Variants in STARD9 observed in about 807,000 individuals in gnomAD.
The protein encoded by STARD9 is StAR related lipid transfer domain containing 9, also known as stAR-related lipid transfer protein 9.
A neutral mutation model predicts 399.8 loss-of-function variants in STARD9; 346 were observed. The ratio of observed to expected loss-of-function variants is 0.87; its 90% confidence interval spans 0.79 to 0.95. The LOEUF (loss-of-function observed/expected upper bound fraction) is 0.95, where lower values mean the gene tolerates loss of function less well. STARD9 is among the 40% of genes least tolerant of loss of function. STARD9 has a pLI of 0.00. For missense variants in STARD9, 5,832 were observed against 5,667.5 expected, an observed-to-expected ratio of 1.03 and a Z score of -0.93; for synonymous variants, 2,203 against 2,143.5, an observed-to-expected ratio of 1.03 and a Z score of -0.77.
intron 10 of STARD9, 46 bp downstream of exon 10, chr15:42,661,271 T>G: frequency 7.7e-7 from 1 of 1,294,592 alleles, no homozygotes; most frequent in Non-Finnish European, 1.1e-6. Flanking sequence ...TGTTCTTGCC[T>G]GTTTTACAGG....
chr15:42,632,069 GTCTC>G (rs1049680938), intron 3 of STARD9, among the ~76,000 whole-genome samples: 1 of 151,988 alleles, frequency 6.6e-6, no homozygotes, highest in Non-Finnish European at 1.5e-5. Context: ...CGGTATTGAG[GTCTC>G]TCTCTCTTTA....
chr15:42,585,528 A>G lies in STARD9; in HGVS notation c.125A>G (p.Asn42Ser), dbSNP rs887235531. Residue 42 changes from asparagine (N) to serine (S), a missense_variant, in exon 3 of 33, where the codon AAT (asparagine) becomes AGT (serine). Coordinates refer to ENST00000290607, the MANE Select transcript of STARD9 (RefSeq NM_020759.3). Reference protein sequence around the residue: ...VAKIRNLKVDNRPDGFGDSRE... With the variant: ...VAKIRNLKVDSRPDGFGDSRE... Reference sequence around the variant, plus strand: ...TCCTATGTTTGATTTTAGGTGGACAATCGACCAGATGGCTTTGGGGACTCC... The same window carrying G: ...TCCTATGTTTGATTTTAGGTGGACAGTCGACCAGATGGCTTTGGGGACTCC... The G allele has an allele frequency of 1.6e-5, 25 of 1,536,566 alleles. No homozygotes were observed. Among genetic ancestry groups the G allele is most frequent in the Non-Finnish European group, 2.1e-5 (24 of 1,146,434 alleles).
intron 26 of STARD9, among the ~76,000 whole-genome samples, chr15:42,709,670 G>A (rs2061169162): frequency 6.6e-6 from 1 of 152,162 alleles, no homozygotes; most frequent in African/African-American, 2.4e-5. Context: ...GGGTGACAGA[G>A]CAAGACTCCA....
In STARD9 at chr15:42,707,533, G is replaced by A. The variant is rs563079941; in HGVS notation, c.13285-9144G>A. Among the ~76,000 whole-genome samples, 4 of 148,498 alleles carry A rather than the reference G, an allele frequency of 2.7e-5. No individual in the cohort carries two copies. In the East Asian group the frequency reaches 7.9e-4, roughly 29 times the overall value. The stretch of plus-strand genomic sequence containing the variant: ...CGCCAAGGCTGGAGTGCAGTGGCAC[G>A]ATCTCGGCTCACTCCAGCCTCCGAC... On this transcript the variant is annotated intron_variant, in intron 26 of 32. Transcript: ENST00000290607.
chr15:42,587,488 T>G (rs10162619), intron 3 of STARD9, among the ~76,000 whole-genome samples: 1,665 of 152,342 alleles, frequency 0.011, 40 homozygotes, highest in African/African-American at 0.039. Context: ...TGCCCTCCAC[T>G]GAGTCTTCTC....
intron 1 of STARD9, among the ~76,000 whole-genome samples, chr15:42,580,655 A>T (rs2141649057): frequency 6.6e-6 from 1 of 152,304 alleles, no homozygotes; most frequent in African/African-American, 2.4e-5. Context: ...CTCAGCTAAA[A>T]AATACAAAAA....
intron 3 of STARD9, among the ~76,000 whole-genome samples, chr15:42,627,380 G>A (rs573606554): frequency 9.9e-5 from 15 of 152,282 alleles, no homozygotes; most frequent in African/African-American, 2.9e-4. Flanking sequence ...CATACAATGC[G>A]TAGTACTCAC....
chr15:42,645,668 T>G (rs185441627), intron 7 of STARD9, among the ~76,000 whole-genome samples: 25 of 151,482 alleles, frequency 1.7e-4, no homozygotes, highest in Non-Finnish European at 2.8e-4. Flanking sequence ...CAGGCTCATG[T>G]GATTCATTTT....
In STARD9 at chr15:42,674,911, C is replaced by T; in HGVS notation, c.1634C>T (p.Ala545Val). The change falls in exon 18 of 33, where the codon GCC (alanine) becomes GTC (valine). Residue 545 changes from alanine (A) to valine (V), a missense_variant. Physicochemically the swap from Ala to Val is moderately conservative, Grantham distance 64. Coordinates refer to ENST00000290607, the MANE Select transcript of STARD9 (RefSeq NM_020759.3). The stretch of plus-strand genomic sequence containing the variant: ...GTTGTTCTACGACCTGCCCGTGGGG[C>T]CCGCTGTACAGTCAATGGCCGGGAG... Reference protein sequence around the residue: ...GVVVLRPARGARCTVNGREVT... With the variant: ...GVVVLRPARGVRCTVNGREVT... 6.5e-7 allele frequency: 1 copy of T among 1,537,016 alleles called. No individual in the cohort carries two copies. The highest frequency in any genetic ancestry group is 8.7e-7 in the Non-Finnish European group (1 of 1,146,776).
At position 42,608,794 on chromosome 15, in the gene STARD9, G is replaced by A. The variant is rs561232528; in HGVS notation, c.234+23157G>A. Among the ~76,000 whole-genome samples, 5 of 152,316 alleles carry A rather than the reference G, an allele frequency of 3.3e-5. No individual in the cohort carries two copies. In the South Asian group the frequency reaches 1.0e-3, roughly 32 times the overall value. ...TGACCTGGTAATGTTTATCTTGCCT[G>A]AAGATCAAATATGTGGAAATTAATG... On this transcript the variant is annotated intron_variant, in intron 3 of 32. Transcript: ENST00000290607.
chr15:42,655,048 G>A (rs1223004566), intron 9 of STARD9, among the ~76,000 whole-genome samples: 1 of 152,166 alleles, frequency 6.6e-6, no homozygotes, highest in Non-Finnish European at 1.5e-5. Flanking sequence ...TTGGGAGGCC[G>A]AGGCAGGCGG....
At position 42,682,298 on chromosome 15, in the gene STARD9, C is replaced by G; in HGVS notation, c.2260C>G (p.His754Asp). Residue 754 changes from histidine to aspartate, a missense_variant, in exon 22 of 33, where the codon CAC (histidine) becomes GAC (aspartate). By Grantham distance (81) the His-to-Asp change is moderately conservative. This residue lies in a region of STARD9 where 5,828 missense variants were observed against 5,651.1 expected (regional missense o/e 1.03). Transcript: ENST00000290607. ...GGTGCACCTGCAGCTCCTGCGGAGA[C>G]ACACTCTTCGGGCAGCAGAGCGGAA... Reference protein sequence around the residue: ...RVVHLQLLRRHTLRAAERNVR... With the variant: ...RVVHLQLLRRDTLRAAERNVR... The G allele has an allele frequency of 2.6e-6, 4 of 1,537,292 alleles. No homozygotes were observed. The highest frequency in any genetic ancestry group is 3.5e-6 in the Non-Finnish European group (4 of 1,146,912).
intron 13 of STARD9, among the ~76,000 whole-genome samples, chr15:42,664,809 C>G (rs1021152524): frequency 1.3e-5 from 2 of 152,038 alleles, no homozygotes; most frequent in African/African-American, 4.8e-5. Flanking sequence ...CACACACACA[C>G]ACACACACAC....
At chr15:42,581,613 C>A in intron 1 of STARD9, 1 of 674,356 alleles carries the variant, frequency 1.5e-6, no homozygotes, top group Admixed American at 2.5e-5. Flanking sequence ...TCCTCTAGTT[C>A]CCTCGTCTGG....
chr15:42,706,515 A>G (rs907577779), intron 26 of STARD9, among the ~76,000 whole-genome samples: 1 of 150,356 alleles, frequency 6.7e-6, no homozygotes, highest in East Asian at 2.0e-4. Context: ...CAGTGGCATG[A>G]TCTCGGCTCA....
In STARD9 at chr15:42,690,232, C is replaced by T. The variant is rs761050751; in HGVS notation, c.8654C>T (p.Thr2885Ile). ...AAGGAGAGTGTTGGGTCTGGGTTGA[C>T]AGAAGTCTGCAGGGCTGGCAGCAAA... ...QCKESVGSGL[T>I]EVCRAGSKHS... The change falls in exon 23 of 33, where the codon ACA becomes ATA. Residue 2885 changes from threonine to isoleucine, a missense_variant. Thr to Ile is a moderately conservative substitution (Grantham distance 89). This residue lies in a region of STARD9 where 5,828 missense variants were observed against 5,651.1 expected (regional missense o/e 1.03). Coordinates refer to ENST00000290607, the MANE Select transcript of STARD9 (RefSeq NM_020759.3). The T allele has an allele frequency of 8.5e-5, 131 of 1,537,426 alleles. No homozygotes were observed. Among genetic ancestry groups the T allele is most frequent in the Middle Eastern group, 1.7e-4 (1 of 6,018 alleles).
intron 3 of STARD9, among the ~76,000 whole-genome samples, chr15:42,621,937 A>G (rs1330265068): frequency 1.3e-5 from 2 of 152,342 alleles, no homozygotes; most frequent in African/African-American, 2.4e-5. Context: ...ATATTTGCAT[A>G]TACATTTTCA....
intron 3 of STARD9, among the ~76,000 whole-genome samples, chr15:42,587,549 C>T (rs2058301619): frequency 6.6e-6 from 1 of 152,050 alleles, no homozygotes; most frequent in African/African-American, 2.4e-5. Context: ...TCTTGTGGCC[C>T]TTGATTTATG....
chr15:42,688,970 T>G lies in STARD9; in HGVS notation c.7392T>G (p.Ser2464=). The G allele has an allele frequency of 2.6e-6, 4 of 1,537,414 alleles. No individual in the cohort carries two copies. Among genetic ancestry groups the G allele is most frequent in the Non-Finnish European group, 3.5e-6 (4 of 1,146,948 alleles). ...LGFSTSEDFA[S]EAEVAVQKEI... is the part of the protein sequence containing the mutation. ...TCAGTACCAGTGAAGATTTTGCTTC[T>G]GAAGCCGAGGTGGCTGTACAAAAAG... The change falls in exon 23 of 33, where the codon TCT becomes TCG. Residue 2464 remains serine, a synonymous_variant. Transcript: ENST00000290607.
Sources: gnomAD v4.1 joint callset for allele counts (sites outside exome capture counted in the v4.1 genomes callset) on GRCh38, gnomAD v4.1.1 for gene constraint, gnomAD v4.1.1 regional missense constraint, MANE v1.5 for transcripts, NCBI Gene and HGNC (gene_info 2026-07-23, HGNC 2026-07-21) for gene names.